Variants in MUC7 observed in about 807,000 individuals in gnomAD.
MUC7 encodes mucin 7, secreted, also known as mucin-7.
In MUC7, 2 loss-of-function variants were observed where a neutral mutation model predicts 2.5. The observed-to-expected ratio is 0.81, with a 90% CI of 0.33 to 2.55. The LOEUF is 2.55. Among genes scored for constraint, MUC7 ranks in the 30% most tolerant of loss-of-function variants. MUC7 has a pLI of 0.11. For synonymous variants in MUC7, 133 were observed against 173.4 expected, an observed-to-expected ratio of 0.77 and a Z score of 1.83; for missense variants, 408 against 455.6, an observed-to-expected ratio of 0.90 and a Z score of 0.95.
chr4:70,462,443 T>C (rs753665659), intron 1 of MUC7, among the ~76,000 whole-genome samples: 6 of 152,170 alleles, frequency 3.9e-5, no homozygotes, highest in Non-Finnish European at 8.8e-5. Flanking sequence ...CTCCCACAAA[T>C]TGACAAATCA....
At chr4:70,478,278 ATTG>A (rs1021312053) in intron 2 of MUC7, among the ~76,000 whole-genome samples, 8 of 152,192 alleles carry the variant, frequency 5.3e-5, no homozygotes, top group Non-Finnish European at 1.0e-4. Flanking sequence ...CAAATTAGTT[ATTG>A]TTATCATTTC....
intron 1 of MUC7, among the ~76,000 whole-genome samples, chr4:70,431,870 T>A (rs982623119): frequency 8.5e-5 from 13 of 152,128 alleles, no homozygotes; most frequent in African/African-American, 2.9e-4. Context: ...TAACATTAGG[T>A]ATATCTCCTA....
At chr4:70,431,010 C>T (rs1733647458) in intron 1 of MUC7, among the ~76,000 whole-genome samples, 1 of 152,052 alleles carries the variant, frequency 6.6e-6, no homozygotes, top group Non-Finnish European at 1.5e-5. Context: ...GTCTATCTGA[C>T]ATTAGTCCTA....
intron 1 of MUC7, among the ~76,000 whole-genome samples, chr4:70,464,724 T>C (rs562748046): frequency 6.6e-6 from 1 of 152,226 alleles, no homozygotes; most frequent in East Asian, 1.9e-4. Flanking sequence ...ACGGCATCTC[T>C]GAAAGAAAGG....
chr4:70,457,901 T>C lies in MUC7; in HGVS notation c.-92-14314T>C, dbSNP rs146182711. 3.1e-3 allele frequency among the ~76,000 whole-genome samples: 472 copies of C among 152,214 alleles called. 3 individuals carry two copies. Among genetic ancestry groups the C allele is most frequent in the South Asian group, 0.028 (136 of 4,830 alleles). On this transcript the variant is annotated intron_variant, in intron 1 of 3. Transcript: ENST00000413702. ...CTGCATGGTTTATATGAAAATTTTA[T>C]CAACTTTTCCAAGTTAAAGCATTTT...
chr4:70,459,287 G>A (rs1412631716), intron 1 of MUC7, among the ~76,000 whole-genome samples: 2 of 152,138 alleles, frequency 1.3e-5, no homozygotes, highest in Admixed American at 1.3e-4. Context: ...GTAGGGACAT[G>A]GATGAAATTG....
At chr4:70,476,810 A>C (rs1484149668) in intron 2 of MUC7, among the ~76,000 whole-genome samples, 1 of 152,106 alleles carries the variant, frequency 6.6e-6, no homozygotes, top group African/African-American at 2.4e-5. Context: ...AGAAAAGAAA[A>C]TACAGGAATG....
At chr4:70,463,420 C>G (rs567427613) in intron 1 of MUC7, among the ~76,000 whole-genome samples, 3 of 152,322 alleles carry the variant, frequency 2.0e-5, no homozygotes, top group Admixed American at 1.3e-4. Flanking sequence ...TAACCATGCT[C>G]TAGTTGTGGC....
rs142641018 is a variant in MUC7 at position 70,432,209 on chromosome 4, C to T, written c.-93+1522C>T. 2.4e-3 allele frequency among the ~76,000 whole-genome samples: 362 copies of T among 152,312 alleles called. 2 individuals carry two copies. Among genetic ancestry groups the T allele is most frequent in the Middle Eastern group, 3.4e-3 (1 of 294 alleles). Reference sequence around the variant, plus strand: ...TGCGAATAGCGCCACAATAAGCATACCTGTGCATGTGTCTTTATAGCAGCA... The same window carrying T: ...TGCGAATAGCGCCACAATAAGCATATCTGTGCATGTGTCTTTATAGCAGCA... On this transcript the variant is annotated intron_variant, in intron 1 of 3. Coordinates refer to the MUC7 transcript ENST00000413702.
rs1735234996 is a variant in MUC7 at position 70,482,648 on chromosome 4, T to C, written c.*770T>C. ...AGCCTCTGTGAACAACAAGAATATG[T>C]TTGTGTATGTTCACATGGTGCTTAT... is the stretch of plus-strand genomic sequence containing the variant. On this transcript the variant is annotated 3_prime_UTR_variant, in exon 3 of 3. Coordinates refer to ENST00000304887, the MANE Select transcript of MUC7 (RefSeq NM_152291.3). 6.6e-6 allele frequency: 1 copy of C among 152,250 alleles called. No individual in the cohort carries two copies. 9.4% of individuals were successfully genotyped at this position (152,250 alleles called of 1,614,324 possible).
intron 2 of MUC7, among the ~76,000 whole-genome samples, chr4:70,478,616 G>T (rs1224300814): frequency 1.3e-5 from 2 of 152,180 alleles, no homozygotes; most frequent in African/African-American, 4.8e-5. Context: ...TTTCATACAT[G>T]TTCCTATAAG....
intron 2 of MUC7, 115 bp downstream of exon 2, chr4:70,474,190 T>C: frequency 2.4e-6 from 2 of 823,910 alleles, no homozygotes; most frequent in South Asian, 1.6e-5. Context: ...AAGCTTGACA[T>C]CTTTTATTTC....
At chr4:70,431,995 G>A (rs537123021) in intron 1 of MUC7, among the ~76,000 whole-genome samples, 3 of 152,240 alleles carry the variant, frequency 2.0e-5, no homozygotes, top group South Asian at 4.1e-4. Flanking sequence ...AGAACATGCA[G>A]TGTTTGGTTT....
At chr4:70,437,674 C>T (rs1577897514) in intron 1 of MUC7, among the ~76,000 whole-genome samples, 2 of 152,208 alleles carry the variant, frequency 1.3e-5, no homozygotes, top group Non-Finnish European at 2.9e-5. Flanking sequence ...ACTCCTTGCG[C>T]TTCCCAGGTG....
At chr4:70,464,582 T>C (rs1734635279) in intron 1 of MUC7, among the ~76,000 whole-genome samples, 1 of 152,144 alleles carries the variant, frequency 6.6e-6, no homozygotes, top group Admixed American at 6.5e-5. Context: ...CTGCCATTAC[T>C]GAGGCTTGAG....
chr4:70,453,552 G>C (rs114363673), intron 1 of MUC7, among the ~76,000 whole-genome samples: 2 of 152,128 alleles, frequency 1.3e-5, no homozygotes, highest in African/African-American at 4.8e-5. Flanking sequence ...GGGATATCTA[G>C]AAATACTGTC....
rs1216427521 is a variant in MUC7, at chr4:70,436,079, T to A, written c.-93+5392T>A. On this transcript the variant is annotated intron_variant, in intron 1 of 3. Transcript: ENST00000413702. Reference sequence around the variant, plus strand: ...TTTCTGCCCACAGATCTGCTGTTAGTCTGATGAGCTTCCCTTTGTGAGTAG... The same window carrying A: ...TTTCTGCCCACAGATCTGCTGTTAGACTGATGAGCTTCCCTTTGTGAGTAG... Among the ~76,000 whole-genome samples, 3 of 152,338 alleles carry A rather than the reference T, an allele frequency of 2.0e-5. No homozygotes were observed. The East Asian group carries it at 5.8e-4, about 29-fold the overall frequency.
intron 1 of MUC7, among the ~76,000 whole-genome samples, chr4:70,460,812 G>A (rs1734538378): frequency 6.6e-6 from 1 of 152,126 alleles, no homozygotes; most frequent in Non-Finnish European, 1.5e-5. Context: ...TGGGGGCTGT[G>A]GTTCCCAGGG....
intron 1 of MUC7, among the ~76,000 whole-genome samples, chr4:70,431,097 C>A (rs28644414): frequency 6.6e-6 from 1 of 151,708 alleles, no homozygotes; most frequent in Admixed American, 6.6e-5. Context: ...TACATTTTGG[C>A]TAAGAAAAAC....
Sources: gnomAD v4.1 joint callset for allele counts (sites outside exome capture counted in the v4.1 genomes callset) on GRCh38, gnomAD v4.1.1 for gene constraint, MANE v1.5 for transcripts, NCBI Gene and HGNC (gene_info 2026-07-23, HGNC 2026-07-21) for gene names.